The following PIP5K1B variants were observed in gnomAD, a reference collection of about 807,000 sequenced individuals.
The protein encoded by PIP5K1B is phosphatidylinositol-4-phosphate 5-kinase type 1 beta, also known as phosphatidylinositol 4-phosphate 5-kinase type-1 beta.
PIP5K1B carries 42 observed loss-of-function variants against 67.0 expected under a neutral mutation model. The ratio of observed to expected loss-of-function variants is 0.63; its 90% CI spans 0.49 to 0.81. The LOEUF (loss-of-function observed/expected upper bound fraction) is 0.81. Among genes scored for constraint, PIP5K1B ranks in the 30% least tolerant of loss-of-function variants. The pLI, the probability that PIP5K1B is intolerant of heterozygous loss-of-function variation, is 0.00. For missense variants in PIP5K1B, 459 were observed against 646.3 expected, an observed-to-expected ratio of 0.71 and a Z score of 3.14; for synonymous variants, 214 against 231.4, an observed-to-expected ratio of 0.92 and a Z score of 0.68.
chr9:68,861,583 G>A (rs181629430), intron 4 of PIP5K1B, among the ~76,000 whole-genome samples: 3 of 152,288 alleles, frequency 2.0e-5, no homozygotes, highest in Admixed American at 6.5e-5. Flanking sequence ...GGAAAGCAGC[G>A]TCAGGGGTGC....
At position 68,920,359 on chromosome 9, in the gene PIP5K1B, C is replaced by CTTTTTTTTTTTTTTTTTTTTTTT. The variant is rs5898051; in HGVS notation, c.1116+634_1116+656dup. Among the ~76,000 whole-genome samples, 88 of 98,370 alleles carry CTTTTTTTTTTTTTTTTTTTTTTT rather than the reference C, an allele frequency of 8.9e-4. 33 individuals carry two copies. Among genetic ancestry groups the CTTTTTTTTTTTTTTTTTTTTTTT allele is most frequent in the African/African-American group, 1.5e-3 (40 of 27,488 alleles). The allele number at this position is 98,370 out of a possible 152,430, so 64.5% of individuals were successfully genotyped here. On this transcript the variant is annotated intron_variant, in intron 11 of 15. Coordinates refer to ENST00000265382, the MANE Select transcript of PIP5K1B (RefSeq NM_003558.4). ...ATACATGCTGGCTGCCTGAGGTTGT[C>CTTTTTTTTTTTTTTTTTTTTTTT]TTTTTTTTTTTTTTTTTTTTTTTTT...
intron 14 of PIP5K1B, among the ~76,000 whole-genome samples, chr9:68,986,239 C>T (rs1830090121): frequency 6.6e-6 from 1 of 152,196 alleles, no homozygotes; most frequent in Non-Finnish European, 1.5e-5. Flanking sequence ...TGCTCTACCT[C>T]CTCTCCAACA....
chr9:68,735,316 C>CTTGTTTTTTTTTTTTTTT (rs1828674031), intron 1 of PIP5K1B, among the ~76,000 whole-genome samples: 1 of 29,770 alleles, frequency 3.4e-5, no homozygotes, highest in African/African-American at 1.3e-4. Flanking sequence ...CCCCTAGTGT[C>CTTGTTTTTTTTTTTTTTT]TTTTTTTTTT....
intron 2 of PIP5K1B, among the ~76,000 whole-genome samples, chr9:68,803,248 G>A (rs981712538): frequency 2.6e-5 from 4 of 152,184 alleles, no homozygotes; most frequent in Admixed American, 1.3e-4. Flanking sequence ...GTGCCTGCGA[G>A]ATACTATAGA....
chr9:69,008,185 G>T (rs1831174991), intron 15 of PIP5K1B, among the ~76,000 whole-genome samples: 1 of 152,170 alleles, frequency 6.6e-6, no homozygotes, highest in Admixed American at 6.5e-5. Flanking sequence ...AGTCAGTGTT[G>T]CTTCCTTCCA....
chr9:68,895,179 G>A (rs984550464), intron 8 of PIP5K1B, among the ~76,000 whole-genome samples: 2 of 150,626 alleles, frequency 1.3e-5, no homozygotes, highest in Non-Finnish European at 2.9e-5. Flanking sequence ...AATGAAGCTT[G>A]CCAATTAGGG....
chr9:68,811,983 A>C (rs1006912572), intron 2 of PIP5K1B, among the ~76,000 whole-genome samples: 1 of 152,184 alleles, frequency 6.6e-6, no homozygotes, highest in Non-Finnish European at 1.5e-5. Context: ...ATTTTCAAAA[A>C]GCTTCCCTGG....
At chr9:68,706,757 G>C in intron 1 of PIP5K1B, among the ~76,000 whole-genome samples, 1 of 152,134 alleles carries the variant, frequency 6.6e-6, no homozygotes, top group East Asian at 1.9e-4. Context: ...TGTTAATCTC[G>C]TGCAAGGAAG....
chr9:68,832,082 A>G (rs1834356524), intron 4 of PIP5K1B, among the ~76,000 whole-genome samples: 1 of 152,258 alleles, frequency 6.6e-6, no homozygotes, highest in African/African-American at 2.4e-5. Flanking sequence ...TGTAGCCTCA[A>G]GAATAACTTT....
Position 68,863,947 on chromosome 9 carries a change from G to A in PIP5K1B, c.180G>A (p.Val60=). Residue 60 remains valine (V), a synonymous_variant, in exon 5 of 16, where the codon GTG becomes GTA. Transcript: ENST00000265382. ...RDVLMQDFYV[V]ESVFLPSEGS... ...TTCTTATGCAAGACTTTTATGTGGT[G>A]GAAAGTGTGTTCCTACCCAGGTAAG... 1 of 1,613,758 alleles carries A rather than the reference G, an allele frequency of 6.2e-7. No individual in the cohort carries two copies. Among genetic ancestry groups the A allele is most frequent in the East Asian group, 2.2e-5 (1 of 44,866 alleles).
In PIP5K1B at chr9:68,926,611, G is replaced by A. The variant is rs1394030116; in HGVS notation, c.1201+3225G>A. Among the ~76,000 whole-genome samples, 9 of 151,890 alleles carry A rather than the reference G, an allele frequency of 5.9e-5. No individual in the cohort carries two copies. The East Asian group carries it at 7.7e-4, about 13-fold the overall frequency. ...TTTTGAGATGGTGCCTCACTCTGTC[G>A]CCCAGGTTGGAGTGCAATGGCGCAA... On this transcript the variant is annotated intron_variant, in intron 12 of 15. Coordinates refer to ENST00000265382, the MANE Select transcript of PIP5K1B (RefSeq NM_003558.4).
intron 8 of PIP5K1B, among the ~76,000 whole-genome samples, chr9:68,899,558 G>T (rs1825261109): frequency 1.3e-5 from 2 of 152,302 alleles, no homozygotes; most frequent in Middle Eastern, 3.4e-3. Flanking sequence ...TTTGGAGGAA[G>T]TATCCAGTTT....
chr9:68,956,747 G>A (rs990035536), intron 14 of PIP5K1B, among the ~76,000 whole-genome samples: 1 of 152,192 alleles, frequency 6.6e-6, no homozygotes, highest in Admixed American at 6.5e-5. Flanking sequence ...CAAGTAACAG[G>A]TAAGTATGGC....
intron 12 of PIP5K1B, among the ~76,000 whole-genome samples, chr9:68,930,886 A>T (rs181887526): frequency 6.6e-6 from 1 of 152,300 alleles, no homozygotes; most frequent in East Asian, 1.9e-4. Flanking sequence ...TTGATGAATA[A>T]TGCAATGAAT....
chr9:68,729,018 G>A (rs1480860420), intron 1 of PIP5K1B: 1 of 152,134 alleles, frequency 6.6e-6, no homozygotes, highest in Non-Finnish European at 1.5e-5. Context: ...TTAAATTGTA[G>A]CTACTTAGAA....
intron 13 of PIP5K1B, among the ~76,000 whole-genome samples, chr9:68,938,504 G>A (rs1372114242): frequency 1.3e-5 from 2 of 152,032 alleles, no homozygotes; most frequent in African/African-American, 4.8e-5. Flanking sequence ...CACATGAGAT[G>A]GGTCTCCTGA....
chr9:68,774,914 T>C (rs955496345), intron 2 of PIP5K1B, among the ~76,000 whole-genome samples: 1 of 152,234 alleles, frequency 6.6e-6, no homozygotes, highest in African/African-American at 2.4e-5. Context: ...CTTTTTTCCT[T>C]GATCAACTTC....
chr9:68,985,098 A>G (rs1022025480), intron 14 of PIP5K1B, among the ~76,000 whole-genome samples: 2 of 152,202 alleles, frequency 1.3e-5, no homozygotes, highest in East Asian at 3.8e-4. Context: ...AATGCAGAGG[A>G]CATGCTCGGT....
chr9:68,742,141 T>C (rs1173602588), intron 1 of PIP5K1B: 1 of 152,210 alleles, frequency 6.6e-6, no homozygotes, highest in Non-Finnish European at 1.5e-5. Flanking sequence ...AGAGAGCCTA[T>C]ATTAAGAAGT....
Sources: allele counts gnomAD v4.1 joint callset (sites outside exome capture counted in the v4.1 genomes callset), GRCh38; gene constraint gnomAD v4.1.1; transcripts MANE v1.5; gene names NCBI Gene and HGNC (gene_info 2026-07-23, HGNC 2026-07-21).